The following SLC26A7 variants were observed in gnomAD, a reference collection of about 807,000 sequenced individuals.
The protein encoded by SLC26A7 is anion exchange transporter.
In SLC26A7, 59 loss-of-function variants were observed where a neutral mutation model predicts 82.5. The ratio of observed to expected loss-of-function variants is 0.72; its 90% CI spans 0.58 to 0.89. SLC26A7 has a LOEUF of 0.89. Among genes scored for constraint, SLC26A7 ranks in the 40% least tolerant of loss-of-function variants. The pLI is 0.00. For synonymous variants in SLC26A7, 271 were observed against 274.3 expected, an observed-to-expected ratio of 0.99 and a Z score of 0.12; for missense variants, 820 against 793.0, an observed-to-expected ratio of 1.03 and a Z score of -0.41.
chr8:91,333,000 G>A lies in SLC26A7; in HGVS notation c.643-1295G>A, dbSNP rs115168321. Among the ~76,000 whole-genome samples the A allele has an allele frequency of 5.0e-3, 758 of 152,074 alleles. 5 individuals carry two copies. Among genetic ancestry groups the A allele is most frequent in the African/African-American group, 0.017 (723 of 41,474 alleles). ...AAATTTCCAGACAACAAAATTCCAG[G>A]TGAGTTTCCTTATATCAAACATTCA... On this transcript the variant is annotated intron_variant, in intron 5 of 18. Coordinates refer to ENST00000276609, the MANE Select transcript of SLC26A7 (RefSeq NM_052832.4).
chr8:91,286,913 G>A (rs944092981), intron 2 of SLC26A7, among the ~76,000 whole-genome samples: 3 of 152,104 alleles, frequency 2.0e-5, no homozygotes, highest in Non-Finnish European at 4.4e-5. Flanking sequence ...GTACGTGTGT[G>A]GGGGCTGGTC....
intron 2 of SLC26A7, among the ~76,000 whole-genome samples, chr8:91,241,852 G>A (rs1233095341): frequency 6.6e-6 from 1 of 152,120 alleles, no homozygotes; most frequent in Non-Finnish European, 1.5e-5. Context: ...CACATTGCTT[G>A]TGTCCTTTTA....
chr8:91,317,890 A>T (rs1469249546), intron 4 of SLC26A7, among the ~76,000 whole-genome samples: 1 of 150,048 alleles, frequency 6.7e-6, no homozygotes, highest in Non-Finnish European at 1.5e-5. Context: ...TTTAACTGAG[A>T]TACTCACATT....
At chr8:91,260,939 T>C (rs1453451396) in intron 2 of SLC26A7, among the ~76,000 whole-genome samples, 2 of 152,098 alleles carry the variant, frequency 1.3e-5, no homozygotes, top group Non-Finnish European at 2.9e-5. Context: ...GTTGAATATA[T>C]GTAAATTTAC....
At position 91,350,748 on chromosome 8, in the gene SLC26A7, G is replaced by A. The variant is rs2339304; in HGVS notation, c.1141-1062G>A. Among the ~76,000 whole-genome samples, 92 of 152,126 alleles carry A rather than the reference G, an allele frequency of 6.0e-4. 1 individual carries two copies. Among genetic ancestry groups the A allele is most frequent in the Admixed American group, 5.0e-3 (77 of 15,262 alleles). On this transcript the variant is annotated intron_variant, in intron 9 of 18. Coordinates refer to ENST00000276609, the MANE Select transcript of SLC26A7 (RefSeq NM_052832.4). ...ATTAGTTGATATTTTAGTTATTTAT[G>A]ATTTTGGCATTTATGAATAAAGGTT...
intron 5 of SLC26A7, among the ~76,000 whole-genome samples, chr8:91,333,971 G>A (rs1468377558): frequency 6.6e-6 from 1 of 152,158 alleles, no homozygotes; most frequent in African/African-American, 2.4e-5. Context: ...TGTTAATGAT[G>A]AATCTGCATA....
intron 15 of SLC26A7, among the ~76,000 whole-genome samples, chr8:91,385,305 GT>G (rs1320999073): frequency 1.3e-5 from 2 of 152,082 alleles, no homozygotes; most frequent in Non-Finnish European, 2.9e-5. Context: ...TATTGCTCTG[GT>G]TGATTTCCTT....
At chr8:91,272,508 T>C (rs985748975) in intron 2 of SLC26A7, among the ~76,000 whole-genome samples, 3 of 152,172 alleles carry the variant, frequency 2.0e-5, no homozygotes, top group African/African-American at 7.2e-5. Context: ...ATGAAGTTGT[T>C]AGTCAGCAAA....
At chr8:91,259,589 C>CT (rs1810904427) in intron 2 of SLC26A7, among the ~76,000 whole-genome samples, 2 of 152,138 alleles carry the variant, frequency 1.3e-5, no homozygotes, top group South Asian at 4.1e-4. Flanking sequence ...CCAGCCACAC[C>CT]TTTTTTATGT....
chr8:91,303,304 A>G (rs1025568323), intron 4 of SLC26A7, among the ~76,000 whole-genome samples: 1 of 152,116 alleles, frequency 6.6e-6, no homozygotes, highest in African/African-American at 2.4e-5. Context: ...GTGATGGACA[A>G]TTTGCATATT....
intron 2 of SLC26A7, among the ~76,000 whole-genome samples, chr8:91,274,971 A>G (rs1811368434): frequency 6.6e-6 from 1 of 152,126 alleles, no homozygotes; most frequent in Non-Finnish European, 1.5e-5. Context: ...TCACTTCCAT[A>G]TATCACTGAT....
At chr8:91,359,619 C>G (rs1427920721) in intron 11 of SLC26A7, among the ~76,000 whole-genome samples, 1 of 152,062 alleles carries the variant, frequency 6.6e-6, no homozygotes, top group Non-Finnish European at 1.5e-5. Context: ...TTGGGTTTAG[C>G]TTGAAAATAG....
chr8:91,243,186 T>C (rs1250729450), intron 2 of SLC26A7, among the ~76,000 whole-genome samples: 1 of 152,176 alleles, frequency 6.6e-6, no homozygotes, highest in Non-Finnish European at 1.5e-5. Flanking sequence ...AGGGTGATCA[T>C]AATGTTGGAC....
At chr8:91,374,402 A>G (rs1457769708) in intron 15 of SLC26A7, among the ~76,000 whole-genome samples, 1 of 149,690 alleles carries the variant, frequency 6.7e-6, no homozygotes, top group Non-Finnish European at 1.5e-5. Context: ...TTTTTGCTGT[A>G]TCTTAGAGGT....
intron 15 of SLC26A7, among the ~76,000 whole-genome samples, chr8:91,377,386 G>A (rs565876677): frequency 1.3e-5 from 2 of 152,054 alleles, no homozygotes; most frequent in Non-Finnish European, 2.9e-5. Flanking sequence ...TAGAAGTGGC[G>A]GAAAGTTAGA....
intron 4 of SLC26A7, among the ~76,000 whole-genome samples, chr8:91,302,486 A>G (rs1812193827): frequency 6.6e-6 from 1 of 152,114 alleles, no homozygotes; most frequent in Admixed American, 6.5e-5. Context: ...AACAAAGTGC[A>G]CTTATACAAC....
At chr8:91,312,546 T>G (rs542285297) in intron 4 of SLC26A7, among the ~76,000 whole-genome samples, 36 of 152,280 alleles carry the variant, frequency 2.4e-4, no homozygotes, top group African/African-American at 7.9e-4. Context: ...TTGTAGTGGC[T>G]ATACCATTTT....
At chr8:91,320,427 A>C (rs1322904287) in intron 5 of SLC26A7, among the ~76,000 whole-genome samples, 1 of 152,200 alleles carries the variant, frequency 6.6e-6, no homozygotes, top group African/African-American at 2.4e-5. Flanking sequence ...CTTGCTTTTC[A>C]ATTATCACAG....
intron 2 of SLC26A7, among the ~76,000 whole-genome samples, chr8:91,280,641 A>G (rs7824716): frequency 0.055 from 8,415 of 152,206 alleles, 272 homozygotes; most frequent in African/African-American, 0.069. Flanking sequence ...ATTACCACAG[A>G]TTCTTGGCCA....
Sources: gnomAD v4.1 joint callset for allele counts (sites outside exome capture counted in the v4.1 genomes callset) on GRCh38, gnomAD v4.1.1 for gene constraint, MANE v1.5 for transcripts, NCBI Gene and HGNC (gene_info 2026-07-23, HGNC 2026-07-21) for gene names.